The following JMJD1C variants were observed in gnomAD, a reference collection of about 807,000 sequenced individuals.
The protein encoded by JMJD1C is jumonji domain containing 1C.
A neutral mutation model predicts 245.3 loss-of-function variants in JMJD1C; 31 were observed. The observed-to-expected ratio is 0.13, with a 90% confidence interval of 0.09 to 0.17. The LOEUF is 0.17. Ranked by LOEUF, JMJD1C falls within the 10% of genes least tolerant of loss-of-function variation. JMJD1C has a pLI of 1.00. For missense variants in JMJD1C, 2,691 were observed against 3,000.2 expected (o/e 0.90, Z 2.41); for synonymous variants, 1,057 against 1,017.4 (o/e 1.04, Z -0.74).
intron 1 of JMJD1C, among the ~76,000 whole-genome samples, chr10:63,454,438 T>G (rs72837036): frequency 0.11 from 15,942 of 151,610 alleles, 1,166 homozygotes; most frequent in Non-Finnish European, 0.17. Context: ...TTTTGTTGTT[T>G]TTTGAAATGG....
intron 2 of JMJD1C, among the ~76,000 whole-genome samples, chr10:63,327,222 T>C (rs1941622453): frequency 6.6e-6 from 1 of 152,016 alleles, no homozygotes; most frequent in African/African-American, 2.4e-5. Flanking sequence ...CAGCCTACAA[T>C]CTGAAAAGGG....
chr10:63,388,783 C>A (rs1430816620), intron 1 of JMJD1C, among the ~76,000 whole-genome samples: 1 of 151,936 alleles, frequency 6.6e-6, no homozygotes, highest in Non-Finnish European at 1.5e-5. Flanking sequence ...ATATGCTGCC[C>A]AAAAGAAACT....
chr10:63,466,103 G>A (rs529396022), upstream of JMJD1C: 81 of 191,758 alleles, frequency 4.2e-4, no homozygotes, highest in South Asian at 3.3e-3. Context: ...CGGCCCTGCG[G>A]AGGCGGCAGC....
At chr10:63,397,090 T>A (rs910771705) in intron 1 of JMJD1C, among the ~76,000 whole-genome samples, 8 of 152,146 alleles carry the variant, frequency 5.3e-5, no homozygotes, top group African/African-American at 1.9e-4. Flanking sequence ...ATTTTTCCTA[T>A]CAAACCCTAT....
At chr10:63,513,888 G>A (rs971349551) in intron 1 of JMJD1C, among the ~76,000 whole-genome samples, 4 of 152,026 alleles carry the variant, frequency 2.6e-5, no homozygotes, top group East Asian at 1.9e-4. Flanking sequence ...ACTCCAGCCT[G>A]GGTGGCAGGG....
chr10:63,236,098 T>A (rs1850699165), intron 3 of JMJD1C, among the ~76,000 whole-genome samples: 1 of 152,198 alleles, frequency 6.6e-6, no homozygotes, highest in East Asian at 1.9e-4. Flanking sequence ...TTACATCAAA[T>A]CACAACAAAC....
At chr10:63,338,072 C>G (rs1404194323) in intron 2 of JMJD1C, among the ~76,000 whole-genome samples, 1 of 152,104 alleles carries the variant, frequency 6.6e-6, no homozygotes, top group African/African-American at 2.4e-5. Flanking sequence ...GGTAAAAGAC[C>G]AACATAAATA....
At chr10:63,280,241 T>C (rs1290199723) in intron 2 of JMJD1C, among the ~76,000 whole-genome samples, 2 of 151,220 alleles carry the variant, frequency 1.3e-5, no homozygotes, top group Admixed American at 6.6e-5. Flanking sequence ...ATAATAAATA[T>C]GTACGATTAT....
chr10:63,330,498 G>A lies in JMJD1C; in HGVS notation c.333+49820C>T, dbSNP rs74848002. ...ATTTTAAATTTTATTAGAATCCAAA[G>A]GTTTATTACATATAAAGAGGCAATG... On this transcript the variant is annotated intron_variant, in intron 2 of 25. Coordinates refer to ENST00000399262, the MANE Select transcript of JMJD1C (RefSeq NM_032776.3). Among the ~76,000 whole-genome samples, 48 of 152,084 alleles carry A rather than the reference G, an allele frequency of 3.2e-4. No individual in the cohort carries two copies. In the East Asian group the frequency reaches 9.3e-3, roughly 29 times the overall value.
chr10:63,189,542 T>C (rs1285940060), intron 17 of JMJD1C, 96 bp from the exon 18 acceptor site: 3 of 967,164 alleles, frequency 3.1e-6, no homozygotes, highest in African/African-American at 1.6e-5. Context: ...ACAATATCCC[T>C]ACACTCCACA....
intron 1 of JMJD1C, among the ~76,000 whole-genome samples, chr10:63,396,037 A>G (rs1280433407): frequency 6.6e-6 from 1 of 152,192 alleles, no homozygotes; most frequent in Non-Finnish European, 1.5e-5. Context: ...CATTTGTCCT[A>G]ATTTATAAAT....
At chr10:63,388,666 A>C (rs1250449243) in intron 1 of JMJD1C, among the ~76,000 whole-genome samples, 3 of 152,218 alleles carry the variant, frequency 2.0e-5, no homozygotes, top group Non-Finnish European at 1.5e-5. Flanking sequence ...TACACAAAAC[A>C]ACCAGAAATT....
At position 63,441,651 on chromosome 10, in the gene JMJD1C, C is replaced by T. The variant is rs77201909; in HGVS notation, c.168+23844G>A. The stretch of plus-strand genomic sequence containing the variant: ...TTCTCAGTTTTCCTTTTCCAAGCAT[C>T]ACCCAGTTTTCAACAAAATCACATC... On this transcript the variant is annotated intron_variant, in intron 1 of 25. Coordinates refer to ENST00000399262, the MANE Select transcript of JMJD1C (RefSeq NM_032776.3). Among the ~76,000 whole-genome samples the T allele has an allele frequency of 4.3e-3, 657 of 152,248 alleles. 3 individuals carry two copies. The highest frequency in any genetic ancestry group is 0.015 in the African/African-American group (616 of 41,550).
chr10:63,450,634 T>C (rs1221525060), intron 1 of JMJD1C, among the ~76,000 whole-genome samples: 1 of 152,134 alleles, frequency 6.6e-6, no homozygotes, highest in African/African-American at 2.4e-5. Context: ...CATTTTTTCA[T>C]AAAACACTCT....
chr10:63,422,247 A>C (rs1950169203), intron 1 of JMJD1C, among the ~76,000 whole-genome samples: 1 of 152,162 alleles, frequency 6.6e-6, no homozygotes, highest in African/African-American at 2.4e-5. Flanking sequence ...CCCCAGTTCT[A>C]CTAAAAATAC....
intron 2 of JMJD1C, among the ~76,000 whole-genome samples, chr10:63,267,003 G>A (rs962952763): frequency 3.3e-5 from 5 of 152,110 alleles, no homozygotes; most frequent in African/African-American, 1.2e-4. Flanking sequence ...AAATTCTCAC[G>A]TTTTAAGATG....
intron 2 of JMJD1C, among the ~76,000 whole-genome samples, chr10:63,288,935 AATC>A (rs1858319724): frequency 6.8e-6 from 1 of 147,490 alleles, no homozygotes; most frequent in Non-Finnish European, 1.5e-5. Context: ...TAATGATAAT[AATC>A]TGTATATTTT....
intron 1 of JMJD1C, among the ~76,000 whole-genome samples, chr10:63,503,857 T>C (rs1954636530): frequency 6.6e-6 from 1 of 152,222 alleles, no homozygotes; most frequent in Admixed American, 6.5e-5. Context: ...GCTTAGAGTA[T>C]GATCATTGAG....
intron 3 of JMJD1C, among the ~76,000 whole-genome samples, chr10:63,249,372 T>C (rs78464550): frequency 0.024 from 3,663 of 152,168 alleles, 104 homozygotes; most frequent in African/African-American, 0.067. Context: ...GACAGTAGAT[T>C]GGTGGTTACC....
Sources: allele counts gnomAD v4.1 joint callset (sites outside exome capture counted in the v4.1 genomes callset), GRCh38; gene constraint gnomAD v4.1.1; transcripts MANE v1.5; gene names NCBI Gene and HGNC (gene_info 2026-07-23, HGNC 2026-07-21).